PTPRD: variants seen among roughly 807,000 people sequenced by gnomAD.
PTPRD encodes protein tyrosine phosphatase receptor type D, also known as receptor-type tyrosine-protein phosphatase delta.
In PTPRD, 34 loss-of-function variants were observed where a neutral mutation model predicts 214.5. That is an observed-to-expected ratio of 0.16 (90% CI 0.12 to 0.21). The LOEUF is 0.21. Among genes scored for constraint, PTPRD ranks in the 10% least tolerant of loss-of-function variants. The probability of loss-of-function intolerance (pLI) is 1.00; values close to 1 mark genes in which losing one functional copy is unlikely to be tolerated. For missense variants in PTPRD, 2,545 were observed against 2,398.7 expected (o/e 1.06, Z -1.27); for synonymous variants, 1,128 against 845.7 (o/e 1.33, Z -5.79).
At chr9:9,760,859 T>G (rs1399644801) in intron 6 of PTPRD, among the ~76,000 whole-genome samples, 1 of 152,174 alleles carries the variant, frequency 6.6e-6, no homozygotes, top group Non-Finnish European at 1.5e-5. Context: ...GATATCAGTA[T>G]ATACCTATCA....
At chr9:10,065,233 G>C (rs1019314623) in intron 3 of PTPRD, among the ~76,000 whole-genome samples, 1 of 143,626 alleles carries the variant, frequency 7.0e-6, no homozygotes, top group Non-Finnish European at 1.5e-5. Flanking sequence ...ATCATTTCCA[G>C]TACATGTATT....
intron 5 of PTPRD, among the ~76,000 whole-genome samples, chr9:9,893,630 T>C (rs2074090851): frequency 1.3e-5 from 2 of 152,104 alleles, no homozygotes; most frequent in African/African-American, 2.4e-5. Context: ...CATTGGAGAA[T>C]TGAACATGCT....
At chr9:8,747,250 CACT>C (rs2092926881) in intron 11 of PTPRD, among the ~76,000 whole-genome samples, 1 of 152,078 alleles carries the variant, frequency 6.6e-6, no homozygotes, top group African/African-American at 2.4e-5. Context: ...GTGCTTACTT[CACT>C]AATAGCCCTC....
At chr9:10,166,456 G>A (rs2099159947) in intron 3 of PTPRD, among the ~76,000 whole-genome samples, 1 of 151,750 alleles carries the variant, frequency 6.6e-6, no homozygotes, top group African/African-American at 2.4e-5. Flanking sequence ...TTCATTAATA[G>A]TTTTATTAAT....
At chr9:9,087,037 G>C (rs1033014678) in intron 10 of PTPRD, among the ~76,000 whole-genome samples, 4 of 152,172 alleles carry the variant, frequency 2.6e-5, no homozygotes, top group Admixed American at 2.0e-4. Flanking sequence ...AATTATGTCA[G>C]AGCTCTAATT....
At position 9,618,071 on chromosome 9, in the gene PTPRD, C is replaced by CAAAAAAAA. The variant is rs34125624; in HGVS notation, c.-286-43298_-286-43291dup. 1.6e-3 allele frequency among the ~76,000 whole-genome samples: 37 copies of CAAAAAAAA among 23,026 alleles called. 2 individuals carry two copies. The highest frequency in any genetic ancestry group is 3.4e-3 in the South Asian group (1 of 298). The allele number at this position is 23,026 out of a possible 152,430, so 15.1% of individuals were successfully genotyped here. On this transcript the variant is annotated intron_variant, in intron 7 of 45. Transcript: ENST00000381196. Reference sequence around the variant, plus strand: ...TGGGCGACAGAGCGAGACTCCATCTCAAAAAAAAAAAAAAAAAAAAAAAAA... The same window carrying CAAAAAAAA: ...TGGGCGACAGAGCGAGACTCCATCTCAAAAAAAAAAAAAAAAAAAAAAAAAAAAAAAAA...
rs557906234 is a variant in PTPRD, at chr9:9,553,890, A to C, written c.-237+20842T>G. Among the ~76,000 whole-genome samples, 52 of 152,070 alleles carry C rather than the reference A, an allele frequency of 3.4e-4. No homozygotes were observed. In the South Asian group the frequency reaches 0.011, roughly 31 times the overall value. On this transcript the variant is annotated intron_variant, in intron 8 of 45. Coordinates refer to ENST00000381196, the MANE Select transcript of PTPRD (RefSeq NM_002839.4). Reference sequence around the variant, plus strand: ...CTGATTATTGGGCCCTACTGGAGTGAAGGAGGAAAGTTGACAGCTGCAGGC... The same window carrying C: ...CTGATTATTGGGCCCTACTGGAGTGCAGGAGGAAAGTTGACAGCTGCAGGC...
chr9:8,383,999 A>T (rs751542154), intron 37 of PTPRD, among the ~76,000 whole-genome samples: 2 of 152,204 alleles, frequency 1.3e-5, no homozygotes, highest in African/African-American at 4.8e-5. Context: ...TGGGAGACAG[A>T]GTAGGAGAGA....
At chr9:9,785,523 A>G (rs997115616) in intron 5 of PTPRD, among the ~76,000 whole-genome samples, 4 of 152,098 alleles carry the variant, frequency 2.6e-5, no homozygotes, top group Non-Finnish European at 5.9e-5. Flanking sequence ...TACATAAACC[A>G]AAGTGAGAGG....
intron 12 of PTPRD, among the ~76,000 whole-genome samples, chr9:8,643,074 G>C (rs1000238592): frequency 2.0e-5 from 3 of 151,842 alleles, no homozygotes; most frequent in African/African-American, 7.3e-5. Context: ...GGTCAGGATA[G>C]ATCTTCAAAA....
intron 8 of PTPRD, among the ~76,000 whole-genome samples, chr9:9,492,388 A>C (rs67737022): frequency 0.21 from 31,556 of 151,590 alleles, 3,742 homozygotes; most frequent in Admixed American, 0.35. Context: ...AGAGGAAAAA[A>C]CACTTCTTAA....
intron 3 of PTPRD, among the ~76,000 whole-genome samples, chr9:10,055,700 T>C (rs576586039): frequency 6.6e-6 from 1 of 152,140 alleles, no homozygotes; most frequent in East Asian, 1.9e-4. Flanking sequence ...TGAATAACCA[T>C]AGGAACAATA....
chr9:9,961,330 T>C (rs924824182), intron 4 of PTPRD, among the ~76,000 whole-genome samples: 1 of 152,134 alleles, frequency 6.6e-6, no homozygotes, highest in African/African-American at 2.4e-5. Context: ...CTGTTCCTTG[T>C]TTGAGAAACA....
At chr9:8,839,545 G>A (rs1423785292) in intron 11 of PTPRD, among the ~76,000 whole-genome samples, 1 of 151,942 alleles carries the variant, frequency 6.6e-6, no homozygotes, top group Non-Finnish European at 1.5e-5. Context: ...GGCTAGTCTC[G>A]AATTCCTGAC....
At chr9:8,958,849 G>C (rs1031481151) in intron 11 of PTPRD, 1 of 151,922 alleles carries the variant, frequency 6.6e-6, no homozygotes, top group African/African-American at 2.4e-5. Context: ...TGTCTGAGAG[G>C]TAAGATAATA....
At chr9:8,461,381 G>C (rs2096396765) in intron 32 of PTPRD, among the ~76,000 whole-genome samples, 1 of 152,058 alleles carries the variant, frequency 6.6e-6, no homozygotes, top group Non-Finnish European at 1.5e-5. Context: ...ACTTGGAGAA[G>C]AAATGGACTA....
In PTPRD at chr9:8,576,501, A is replaced by G. The variant is rs529412561; in HGVS notation, c.353-47722T>C. Among the ~76,000 whole-genome samples, 7 of 152,160 alleles carry G rather than the reference A, an allele frequency of 4.6e-5. No homozygotes were observed. In the South Asian group the frequency reaches 1.4e-3, roughly 32 times the overall value. On this transcript the variant is annotated intron_variant, in intron 14 of 45. Coordinates refer to ENST00000381196, the MANE Select transcript of PTPRD (RefSeq NM_002839.4). ...GTTGTATTGTAAAACCAAAGTAAAC[A>G]AAATTTCTACAGGTTAAGGTCATAA...
intron 9 of PTPRD, among the ~76,000 whole-genome samples, chr9:9,211,017 T>C (rs1439206909): frequency 1.3e-5 from 2 of 152,134 alleles, no homozygotes; most frequent in African/African-American, 4.8e-5. Context: ...AGTTCCTTAA[T>C]AATGTTTGCT....
chr9:8,499,629 A>C lies in PTPRD; in HGVS notation c.2322+18T>G. On this transcript the variant is annotated intron_variant, in intron 25 of 45. Coordinates refer to ENST00000381196, the MANE Select transcript of PTPRD (RefSeq NM_002839.4). ...ACTTATTATATAAAAACAGAGGTAC[A>C]TAATTTCAGAGGCTTACCTGTGCAT... 1 of 1,600,886 alleles carries C rather than the reference A, an allele frequency of 6.2e-7. No homozygotes were observed. The highest frequency in any genetic ancestry group is 1.1e-5 in the South Asian group (1 of 88,064).
Sources: gnomAD v4.1 joint callset for allele counts (sites outside exome capture counted in the v4.1 genomes callset) on GRCh38, gnomAD v4.1.1 for gene constraint, MANE v1.5 for transcripts, NCBI Gene and HGNC (gene_info 2026-07-23, HGNC 2026-07-21) for gene names.